SKI: variants seen among roughly 807,000 people sequenced by gnomAD.
SKI encodes SKI proto-oncogene.
In SKI, 23 loss-of-function variants were observed where a neutral mutation model predicts 59.3. That is an observed-to-expected ratio of 0.39 (90% CI 0.28 to 0.55). The LOEUF (loss-of-function observed/expected upper bound fraction) is 0.55. Ranked by LOEUF, SKI falls within the 20% of genes least tolerant of loss-of-function variation. The pLI, the probability that SKI is intolerant of heterozygous loss-of-function variation, is 0.67. For missense variants in SKI, 1,017 were observed against 1,038.9 expected (o/e 0.98, Z 0.29); for synonymous variants, 673 against 488.6 (o/e 1.38, Z -4.98).
At chr1:2,272,430 G>T (rs1174962228) in intron 1 of SKI, among the ~76,000 whole-genome samples, 1 of 152,210 alleles carries the variant, frequency 6.6e-6, no homozygotes, top group African/African-American at 2.4e-5. Context: ...CCGCTGGGGG[G>T]TTGGGGAGAC....
In SKI at chr1:2,283,848, C is replaced by T. The variant is rs369910518; in HGVS notation, c.970-19130C>T. On this transcript the variant is annotated intron_variant, in intron 1 of 6. Coordinates refer to ENST00000378536, the MANE Select transcript of SKI (RefSeq NM_003036.4). ...TTTCATGGCGAGAAAACATCGTGGGCGTCTGCTGGGGCTGGAGGAGGCGGG... is the reference window on the plus strand; with the variant it reads ...TTTCATGGCGAGAAAACATCGTGGGTGTCTGCTGGGGCTGGAGGAGGCGGG... 3.3e-5 allele frequency among the ~76,000 whole-genome samples: 5 copies of T among 152,192 alleles called. No individual in the cohort carries two copies. In the East Asian group the frequency reaches 5.8e-4, roughly 18 times the overall value.
At chr1:2,279,413 G>T in intron 1 of SKI, among the ~76,000 whole-genome samples, 1 of 152,208 alleles carries the variant, frequency 6.6e-6, no homozygotes. Context: ...CAAGTCTTGT[G>T]TGTGTGGTGG....
intron 1 of SKI, among the ~76,000 whole-genome samples, chr1:2,241,220 C>T (rs985072351): frequency 5.3e-5 from 8 of 152,184 alleles, no homozygotes; most frequent in Non-Finnish European, 7.3e-5. Context: ...TATGAACTTG[C>T]GGCTTAAATA....
chr1:2,296,722 G>A (rs1327852864), intron 1 of SKI, among the ~76,000 whole-genome samples: 1 of 151,988 alleles, frequency 6.6e-6, no homozygotes, highest in African/African-American at 2.4e-5. Flanking sequence ...CAAAGACGTC[G>A]TGATTGTTTT....
At chr1:2,276,925 TTGA>T (rs1639755334) in intron 1 of SKI, among the ~76,000 whole-genome samples, 1 of 152,192 alleles carries the variant, frequency 6.6e-6, no homozygotes, top group Admixed American at 6.5e-5. Flanking sequence ...GTTTTGGGTG[TTGA>T]TGAGCACTGG....
At chr1:2,285,201 G>A (rs1405826576) in intron 1 of SKI, among the ~76,000 whole-genome samples, 1 of 152,050 alleles carries the variant, frequency 6.6e-6, no homozygotes, top group Non-Finnish European at 1.5e-5. Context: ...GCATTTGGAA[G>A]GTGTTAACAA....
Position 2,304,178 on chromosome 1 carries a change from G to T in SKI, c.1474+76G>T, listed in dbSNP as rs920159523. The T allele has an allele frequency of 4.5e-5, 72 of 1,587,248 alleles. 1 individual carries two copies. In the South Asian group the frequency reaches 7.7e-4, roughly 17 times the overall value. ...CACTGGCTGAGGGGGGCTGGTCGCC[G>T]GGGGTGCGTTGGTGGCCCCATGTTT... On this transcript the variant is annotated intron_variant, in intron 4 of 6. Transcript: ENST00000378536.
intron 1 of SKI, among the ~76,000 whole-genome samples, chr1:2,279,108 C>T (rs745958713): frequency 2.0e-5 from 3 of 152,172 alleles, no homozygotes; most frequent in Non-Finnish European, 4.4e-5. Context: ...CCTGGTGTCC[C>T]GGAGGGGCCT....
At chr1:2,284,772 TG>T (rs1443700236) in intron 1 of SKI, among the ~76,000 whole-genome samples, 1 of 152,118 alleles carries the variant, frequency 6.6e-6, no homozygotes, top group African/African-American at 2.4e-5. Flanking sequence ...CCGGCGTGGC[TG>T]TAAGAATGAC....
At chr1:2,265,020 C>T (rs1323457662) in intron 1 of SKI, among the ~76,000 whole-genome samples, 1 of 152,174 alleles carries the variant, frequency 6.6e-6, no homozygotes, top group African/African-American at 2.4e-5. Flanking sequence ...CCGTGTTGGC[C>T]AGGCTGGTCT....
Position 2,306,492 on chromosome 1 carries a change from G to C in SKI, c.1999-85G>C, listed in dbSNP as rs1008281354. The C allele has an allele frequency of 7.9e-6, 11 of 1,385,302 alleles. No individual in the cohort carries two copies. In the East Asian group the frequency reaches 2.5e-4, roughly 32 times the overall value. 85.8% of individuals were successfully genotyped at this position (1,385,302 alleles called of 1,614,324 possible). A position where few individuals can be genotyped will look rare whatever the true frequency, so the allele number is the denominator to read the frequency against. ...CGGCACTGGGGAGGGACAGGGAGCG[G>C]CGCAGGAGCCTCGGGTGGGGGAAGC... On this transcript the variant is annotated intron_variant, in intron 6 of 6. Coordinates refer to ENST00000378536, the MANE Select transcript of SKI (RefSeq NM_003036.4).
rs900962321 is a variant in SKI at position 2,270,940 on chromosome 1, G to A, written c.970-32038G>A. Among the ~76,000 whole-genome samples the A allele has an allele frequency of 6.6e-6, 1 of 152,208 alleles. No individual in the cohort carries two copies. Among genetic ancestry groups the A allele is most frequent in the East Asian group, 1.9e-4 (1 of 5,184 alleles). On this transcript the variant is annotated intron_variant, in intron 1 of 6. Coordinates refer to ENST00000378536, the MANE Select transcript of SKI (RefSeq NM_003036.4). This position sits in a 1 kb window ranked among gnomAD's most constrained non-coding sequence, Gnocchi z 4.1. ...AGCTGCCCATGTCACCAGGCCAGGCGCTTTCCCTGTGAATGAGCCGATGGC... is the reference window on the plus strand; with the variant it reads ...AGCTGCCCATGTCACCAGGCCAGGCACTTTCCCTGTGAATGAGCCGATGGC...
At chr1:2,245,051 C>T (rs1638962794) in intron 1 of SKI, among the ~76,000 whole-genome samples, 1 of 152,208 alleles carries the variant, frequency 6.6e-6, no homozygotes, top group South Asian at 2.1e-4. Flanking sequence ...CACCCACCTT[C>T]CCAGGCTCAG....
intron 1 of SKI, among the ~76,000 whole-genome samples, chr1:2,288,775 G>A (rs1184780403): frequency 2.0e-5 from 3 of 152,126 alleles, no homozygotes; most frequent in Non-Finnish European, 4.4e-5. Context: ...TCATGGCAGT[G>A]CCCTCAGGCT....
In SKI at chr1:2,304,014, A is replaced by G. The variant is rs546959849; in HGVS notation, c.1386A>G (p.Pro462=). The G allele has an allele frequency of 5.0e-6, 8 of 1,612,556 alleles. 1 individual carries two copies. In the African/African-American group the frequency reaches 6.7e-5, roughly 13 times the overall value. Reference sequence around the variant, plus strand: ...AGCGGAAGCTGACTGTGGACACCCCAGGAGCCCCAGAGACGCTGGCGCCCG... The same window carrying G: ...AGCGGAAGCTGACTGTGGACACCCCGGGAGCCCCAGAGACGCTGGCGCCCG... ...PRKRKLTVDT[P]GAPETLAPVA... Residue 462 remains proline (P), a synonymous_variant, in exon 4 of 7, where the codon CCA becomes CCG. Transcript: ENST00000378536.
intron 1 of SKI, among the ~76,000 whole-genome samples, chr1:2,234,306 G>A (rs191293845): frequency 1.3e-5 from 2 of 152,282 alleles, no homozygotes; most frequent in East Asian, 1.9e-4. Context: ...TCATTTTCCC[G>A]GCATGGTCTG....
intron 1 of SKI, among the ~76,000 whole-genome samples, chr1:2,232,870 T>C (rs944110119): frequency 1.8e-4 from 28 of 152,244 alleles, no homozygotes; most frequent in African/African-American, 6.8e-4. Context: ...TGGGTCATTG[T>C]GCTGCTGGGA....
chr1:2,229,627 G>A lies in SKI; in HGVS notation c.861G>A (p.Leu287=). The change falls in exon 1 of 7, where the codon CTG becomes CTA. Residue 287 remains leucine (L), a synonymous_variant. Transcript: ENST00000378536. This position sits in a 1 kb window ranked among gnomAD's most constrained non-coding sequence, Gnocchi z 6.3. ...CCAACTGGCGGGCCTACATCCTGCT[G>A]AGCCAGGATTACACGGGCAAGGAGG... ...DSANWRAYIL[L]SQDYTGKEEQ... is the part of the protein sequence containing the mutation. 3 of 1,612,522 alleles carry A rather than the reference G, an allele frequency of 1.9e-6. No homozygotes were observed. The highest frequency in any genetic ancestry group is 2.2e-5 in the East Asian group (1 of 44,870).
chr1:2,287,240 G>A (rs1203993797), intron 1 of SKI, among the ~76,000 whole-genome samples: 2 of 152,200 alleles, frequency 1.3e-5, no homozygotes, highest in African/African-American at 4.8e-5. Flanking sequence ...TGGGAAGGTG[G>A]AGGCGACTTG....
Sources: allele counts gnomAD v4.1 joint callset (sites outside exome capture counted in the v4.1 genomes callset), GRCh38; gene constraint gnomAD v4.1.1; non-coding constraint Gnocchi (gnomAD v3.1); transcripts MANE v1.5; gene names NCBI Gene and HGNC (gene_info 2026-07-23, HGNC 2026-07-21).